Variants in FHIT observed in about 807,000 individuals in gnomAD.
FHIT encodes fragile histidine triad diadenosine triphosphatase.
FHIT carries 19 observed loss-of-function variants against 17.9 expected under a neutral mutation model. The observed-to-expected ratio is 1.06, with a 90% CI of 0.74 to 1.56. FHIT has a LOEUF of 1.56. FHIT is among the 40% of genes most tolerant of loss of function. FHIT has a pLI of 0.00. For synonymous variants in FHIT, 81 were observed against 69.7 expected (o/e 1.16, Z -0.81); for missense variants, 248 against 189.2 (o/e 1.31, Z -1.82).
chr3:61,027,432 T>C (rs937742778), intron 3 of FHIT, among the ~76,000 whole-genome samples: 10 of 152,222 alleles, frequency 6.6e-5, no homozygotes, highest in African/African-American at 2.4e-4. Context: ...TTGCACCTAT[T>C]GTATTTGTAG....
chr3:60,727,274 C>A (rs534160002), intron 4 of FHIT, among the ~76,000 whole-genome samples: 9 of 152,036 alleles, frequency 5.9e-5, no homozygotes, highest in Non-Finnish European at 1.3e-4. Flanking sequence ...CCAAGTCCCT[C>A]CACTCTTTCT....
In FHIT at chr3:60,972,226, A is replaced by G. The variant is rs544776594; in HGVS notation, c.-111+69821T>C. On this transcript the variant is annotated intron_variant, in intron 3 of 9. Coordinates refer to ENST00000492590, the MANE Select transcript of FHIT (RefSeq NM_002012.4). ...CATTTACATGATTTCAACTGGGACT[A>G]TTTCCTCTGACTGAGGAGCTCCTTT... is the stretch of plus-strand genomic sequence containing the variant. Among the ~76,000 whole-genome samples the G allele has an allele frequency of 3.9e-5, 6 of 152,242 alleles. No homozygotes were observed. The South Asian group carries it at 1.0e-3, about 26-fold the overall frequency.
At chr3:60,799,278 G>A (rs996646723) in intron 4 of FHIT, among the ~76,000 whole-genome samples, 10 of 152,214 alleles carry the variant, frequency 6.6e-5, no homozygotes, top group Non-Finnish European at 1.0e-4. Flanking sequence ...AGGTTCAAGC[G>A]ATTCTCCTGC....
chr3:61,136,641 C>T (rs1008224570), intron 2 of FHIT, among the ~76,000 whole-genome samples: 9 of 152,256 alleles, frequency 5.9e-5, no homozygotes, highest in Non-Finnish European at 1.5e-5. Context: ...GCTTAAAATA[C>T]GTACGGCTAA....
At chr3:60,625,156 G>A (rs1037433205) in intron 4 of FHIT, among the ~76,000 whole-genome samples, 8 of 152,080 alleles carry the variant, frequency 5.3e-5, no homozygotes, top group African/African-American at 1.2e-4. Context: ...TGATCCACTC[G>A]CCTCAGCCTC....
intron 2 of FHIT, among the ~76,000 whole-genome samples, chr3:61,153,511 A>G (rs530933570): frequency 1.3e-5 from 2 of 152,352 alleles, no homozygotes; most frequent in African/African-American, 4.8e-5. Flanking sequence ...ACTGCTAAAC[A>G]TCTAATGTCT....
At chr3:60,632,177 GCTGA>G (rs1216446754) in intron 4 of FHIT, among the ~76,000 whole-genome samples, 36 of 152,152 alleles carry the variant, frequency 2.4e-4, no homozygotes, top group East Asian at 7.7e-4. Flanking sequence ...ATCTTCAGGG[GCTGA>G]CTAATTCTTA....
chr3:59,974,998 A>C, intron 7 of FHIT, among the ~76,000 whole-genome samples: 1 of 152,168 alleles, frequency 6.6e-6, no homozygotes, highest in South Asian at 2.1e-4. Context: ...ACTTTTCTTC[A>C]TTGCACTAAT....
At chr3:60,931,595 C>A (rs1012857484) in intron 3 of FHIT, among the ~76,000 whole-genome samples, 91 of 151,864 alleles carry the variant, frequency 6.0e-4, no homozygotes, top group African/African-American at 2.0e-3. Context: ...GGCTTCCACC[C>A]CTGTTTGTAA....
At chr3:59,963,868 C>T (rs572369809) in intron 7 of FHIT, among the ~76,000 whole-genome samples, 1 of 152,162 alleles carries the variant, frequency 6.6e-6, no homozygotes. Context: ...ATTAACAGAA[C>T]ACAATTTAAA....
chr3:60,076,085 G>A (rs1702993889), intron 5 of FHIT, among the ~76,000 whole-genome samples: 1 of 152,050 alleles, frequency 6.6e-6, no homozygotes, highest in South Asian at 2.1e-4. Context: ...TCCCTGAGCT[G>A]AAATACTTTC....
At chr3:59,906,784 T>A (rs1476148613) in intron 8 of FHIT, among the ~76,000 whole-genome samples, 1 of 152,226 alleles carries the variant, frequency 6.6e-6, no homozygotes, top group Non-Finnish European at 1.5e-5. Flanking sequence ...GCATTCAAGA[T>A]GATATTTAAG....
chr3:61,059,683 T>C (rs1361860191), intron 2 of FHIT, among the ~76,000 whole-genome samples: 4 of 152,198 alleles, frequency 2.6e-5, no homozygotes, highest in Admixed American at 2.6e-4. Flanking sequence ...AAGGAGACAC[T>C]AGTCATCAGG....
At chr3:60,291,642 A>C (rs1042707750) in intron 5 of FHIT, among the ~76,000 whole-genome samples, 1 of 152,156 alleles carries the variant, frequency 6.6e-6, no homozygotes, top group African/African-American at 2.4e-5. Flanking sequence ...TTTTCATTAG[A>C]AAGAAAATTC....
intron 3 of FHIT, among the ~76,000 whole-genome samples, chr3:61,037,825 G>A (rs1055827698): frequency 2.0e-5 from 3 of 152,180 alleles, no homozygotes; most frequent in African/African-American, 4.8e-5. Context: ...CAGCCTCTAG[G>A]ACCATGAGAC....
chr3:60,899,570 C>A (rs1472915718), intron 3 of FHIT, among the ~76,000 whole-genome samples: 1 of 152,136 alleles, frequency 6.6e-6, no homozygotes, highest in Non-Finnish European at 1.5e-5. Flanking sequence ...ATAAAGGAAA[C>A]CTGCTCCTAA....
chr3:60,094,486 T>C (rs1703858296), intron 5 of FHIT, among the ~76,000 whole-genome samples: 1 of 152,026 alleles, frequency 6.6e-6, no homozygotes, highest in South Asian at 2.1e-4. Flanking sequence ...AGAAATGAAA[T>C]TAAATAGAAC....
In FHIT at chr3:59,814,359, T is replaced by C. The variant is rs572236505; in HGVS notation, c.349-62038A>G. The stretch of plus-strand genomic sequence containing the variant: ...TGCCAGAGCACGTATGGTCTTGGCC[T>C]AAGGTGAGTGAAAGACAGGTTTCTG... On this transcript the variant is annotated intron_variant, in intron 8 of 9. Transcript: ENST00000492590. 3.3e-5 allele frequency among the ~76,000 whole-genome samples: 5 copies of C among 152,324 alleles called. No individual in the cohort carries two copies. In the South Asian group the frequency reaches 1.0e-3, roughly 32 times the overall value.
chr3:60,164,738 CAGTGTTTTCTCCACCCTCACTCCT>C (rs1284809186), intron 5 of FHIT, among the ~76,000 whole-genome samples: 26 of 152,132 alleles, frequency 1.7e-4, no homozygotes, highest in African/African-American at 6.0e-4. Context: ...AGTGCTTTGC[CAGTGTTTTCTCCACCCTCACTCCT>C]AGTTTGGGAT....
Sources: gnomAD v4.1 joint callset for allele counts (sites outside exome capture counted in the v4.1 genomes callset) on GRCh38, gnomAD v4.1.1 for gene constraint, MANE v1.5 for transcripts, NCBI Gene and HGNC (gene_info 2026-07-23, HGNC 2026-07-21) for gene names.